Variants in CDK18 observed in about 807,000 individuals in gnomAD.
CDK18 encodes the protein cyclin-dependent kinase 18.
Under a neutral mutation model 62.0 loss-of-function variants are expected in CDK18, and 52 were observed. The observed-to-expected ratio is 0.84, with a 90% confidence interval of 0.67 to 1.06. The LOEUF is 1.06. Among genes scored for constraint, CDK18 ranks in the 50% least tolerant of loss-of-function variants. The probability of loss-of-function intolerance (pLI) is 0.00; values close to 1 mark genes in which losing one functional copy is unlikely to be tolerated. For missense variants in CDK18, 604 were observed against 619.9 expected (o/e 0.97, Z 0.27); for synonymous variants, 237 against 247.0 (o/e 0.96, Z 0.38).
At chr1:205,518,229 A>G (rs2102290712) in intron 1 of CDK18, among the ~76,000 whole-genome samples, 1 of 152,152 alleles carries the variant, frequency 6.6e-6, no homozygotes, top group East Asian at 1.9e-4. Context: ...GTCACCATCC[A>G]TCATACTGTG....
In CDK18 at chr1:205,519,136, A is replaced by G. The variant is rs1006046663; in HGVS notation, c.-21-4011A>G. Among the ~76,000 whole-genome samples, 7 of 152,186 alleles carry G rather than the reference A, an allele frequency of 4.6e-5. 1 individual carries two copies. The highest frequency in any genetic ancestry group is 1.4e-4 in the African/African-American group (6 of 41,440). ...GCCCCGGGCTGGCCTCAGGCTGGTC[A>G]TACTGAGCCCTTCTGTCCCCACTTG... On this transcript the variant is annotated intron_variant, in intron 1 of 15. Transcript: ENST00000429964.
intron 1 of CDK18, among the ~76,000 whole-genome samples, chr1:205,508,252 C>T (rs1022829443): frequency 1.3e-5 from 2 of 152,246 alleles, no homozygotes; most frequent in Admixed American, 1.3e-4. Flanking sequence ...CAGGCATTCC[C>T]TGCTGAGTGG....
chr1:205,511,746 G>A (rs1186274047), intron 1 of CDK18, among the ~76,000 whole-genome samples: 1 of 152,090 alleles, frequency 6.6e-6, no homozygotes, highest in African/African-American at 2.4e-5. Flanking sequence ...GTACACATCT[G>A]TCCTCTTCAC....
chr1:205,531,077 T>C (rs1358495770), intron 15 of CDK18, among the ~76,000 whole-genome samples: 2 of 152,216 alleles, frequency 1.3e-5, no homozygotes, highest in Non-Finnish European at 2.9e-5. Flanking sequence ...TCTTCTTTAA[T>C]CCTTAAAATA....
intron 1 of CDK18, among the ~76,000 whole-genome samples, chr1:205,505,975 C>A (rs1192412345): frequency 6.6e-6 from 1 of 152,198 alleles, no homozygotes; most frequent in Admixed American, 6.5e-5. Context: ...CCGGCTTGCC[C>A]CTCCTGTGTC....
intron 1 of CDK18, among the ~76,000 whole-genome samples, chr1:205,515,708 C>T (rs934287558): frequency 1.3e-5 from 2 of 152,194 alleles, no homozygotes; most frequent in African/African-American, 4.8e-5. Context: ...GTGTTCCTCA[C>T]TGCAGGACAT....
At chr1:205,506,999 C>T (rs540209556) in intron 1 of CDK18, among the ~76,000 whole-genome samples, 5 of 152,308 alleles carry the variant, frequency 3.3e-5, no homozygotes, top group Non-Finnish European at 5.9e-5. Context: ...CGGACTCTGT[C>T]CTCTGCCTAC....
chr1:205,513,021 G>A (rs1050377631), intron 1 of CDK18, among the ~76,000 whole-genome samples: 6 of 152,136 alleles, frequency 3.9e-5, no homozygotes, highest in Non-Finnish European at 5.9e-5. Context: ...CTATTGGGTG[G>A]GTGAACTCAA....
At chr1:205,525,896 G>A (rs1668399073) in intron 5 of CDK18, among the ~76,000 whole-genome samples, 169 bp from the exon 6 acceptor site, 1 of 152,216 alleles carries the variant, frequency 6.6e-6, no homozygotes, top group Non-Finnish European at 1.5e-5. Context: ...GGAGTCATTA[G>A]GGATGCTTCC....
chr1:205,512,326 G>A (rs557307467), intron 1 of CDK18, among the ~76,000 whole-genome samples: 13 of 152,214 alleles, frequency 8.5e-5, no homozygotes, highest in Admixed American at 7.2e-4. Context: ...CACCAGACCC[G>A]GGAGGAAGGA....
Position 205,526,459 on chromosome 1 carries a change from C to T in CDK18, c.664C>T (p.Leu222=), listed in dbSNP as rs1461471470. 1 of 1,610,998 alleles carries T rather than the reference C, an allele frequency of 6.2e-7. No individual in the cohort carries two copies. The highest frequency in any genetic ancestry group is 1.7e-5 in the Admixed American group (1 of 60,002). The change falls in exon 7 of 16, where the codon CTG becomes TTG. Residue 222 remains leucine, a splice_region_variant and synonymous_variant. Coordinates refer to ENST00000429964, the MANE Select transcript of CDK18 (RefSeq NM_212502.3). ...DRSLTLVFEY[L]DSDLKQYLDH... ...GTCCCTCACCCTGGTGTTTGAGTAC[C>T]TGGTGAGAGTCCGGCTGGGGCTGGC...
chr1:205,518,729 G>C (rs1667958550), intron 1 of CDK18, among the ~76,000 whole-genome samples: 1 of 152,216 alleles, frequency 6.6e-6, no homozygotes, highest in Non-Finnish European at 1.5e-5. Context: ...TGGGAGGCCA[G>C]CCCTGCTCAC....
intron 1 of CDK18, among the ~76,000 whole-genome samples, chr1:205,507,661 A>AAAT (rs1667378541): frequency 6.7e-6 from 1 of 150,300 alleles, no homozygotes; most frequent in Non-Finnish European, 1.5e-5. Context: ...AAAAAAAAAA[A>AAAT]AATAATGCAC....
chr1:205,526,645 C>T (rs930822535), intron 7 of CDK18, 130 bp from the exon 8 acceptor site: 2 of 1,002,396 alleles, frequency 2.0e-6, no homozygotes, highest in African/African-American at 1.6e-5. Context: ...ACGGGTGGCT[C>T]GAGCCAGGGA....
At chr1:205,523,839 T>A in intron 3 of CDK18, 1 of 667,432 alleles carries the variant, frequency 1.5e-6, no homozygotes, top group Non-Finnish European at 2.6e-6. Flanking sequence ...GGTTTATCTA[T>A]GCCAAGTGCT....
Position 205,523,537 on chromosome 1 carries a change from C to A in CDK18, c.185C>A (p.Ser62Tyr). The change falls in exon 3 of 16, where the codon TCC (serine) becomes TAC (tyrosine). Residue 62 changes from serine to tyrosine, a missense_variant. By Grantham distance (144) the Ser-to-Tyr change is moderately radical (BLOSUM62 -2). Coordinates refer to ENST00000429964, the MANE Select transcript of CDK18 (RefSeq NM_212502.3). The stretch of plus-strand genomic sequence containing the variant: ...CCCCCGCAGGAGTGCAGCACCTTCT[C>A]CCCAACAGACAGCGGGGAGGAGCCG... ...RDPPQECSTFSPTDSGEEPGQ... is the reference protein window; with the variant it reads ...RDPPQECSTFYPTDSGEEPGQ... 6.2e-7 allele frequency: 1 copy of A among 1,606,908 alleles called. No individual in the cohort carries two copies. Among genetic ancestry groups the A allele is most frequent in the Admixed American group, 1.7e-5 (1 of 59,254 alleles).
At chr1:205,521,678 G>C (rs1364646692) in intron 1 of CDK18, among the ~76,000 whole-genome samples, 2 of 152,262 alleles carry the variant, frequency 1.3e-5, no homozygotes, top group Non-Finnish European at 1.5e-5. Flanking sequence ...GGCAGCTGGA[G>C]GGCCACCACT....
rs377619054 is a variant in CDK18, at chr1:205,516,617, G to A, written c.-21-6530G>A. Reference sequence around the variant, plus strand: ...ACCAGCACCAGGCATAGAGACCAACGTGCTCCAGATGAGGGAGACAGGTGA... The same window carrying A: ...ACCAGCACCAGGCATAGAGACCAACATGCTCCAGATGAGGGAGACAGGTGA... On this transcript the variant is annotated intron_variant, in intron 1 of 15. Transcript: ENST00000429964. This position sits in a 1 kb window ranked among gnomAD's most constrained non-coding sequence, Gnocchi z 4.8. Among the ~76,000 whole-genome samples, 1 of 152,178 alleles carries A rather than the reference G, an allele frequency of 6.6e-6. No individual in the cohort carries two copies. The highest frequency in any genetic ancestry group is 1.5e-5 in the Non-Finnish European group (1 of 68,032).
In CDK18 at chr1:205,526,134, C is replaced by T. The variant is rs768810662; in HGVS notation, c.526C>T (p.Arg176Trp). The T allele has an allele frequency of 6.9e-5, 111 of 1,614,084 alleles. No individual in the cohort carries two copies. Among genetic ancestry groups the T allele is most frequent in the Admixed American group, 5.8e-4 (35 of 60,020 alleles). Residue 176 changes from arginine (R) to tryptophan (W), a missense_variant, in exon 6 of 16, where the codon CGG becomes TGG. Arg to Trp is a moderately radical substitution (Grantham distance 101, BLOSUM62 -3). Transcript: ENST00000429964. ...GAACCTTGTGGCCCTGAAAGAGATC[C>T]GGCTGGAGCACGAGGAGGGAGCGCC... ...TENLVALKEI[R>W]LEHEEGAPCT...
Sources: allele counts gnomAD v4.1 joint callset (sites outside exome capture counted in the v4.1 genomes callset), GRCh38; gene constraint gnomAD v4.1.1; non-coding constraint Gnocchi (gnomAD v3.1); transcripts MANE v1.5; gene names NCBI Gene and HGNC (gene_info 2026-07-23, HGNC 2026-07-21).